The following WDR72 variants were observed in gnomAD, a reference collection of about 807,000 sequenced individuals.
The protein encoded by WDR72 is WD repeat-containing protein 72.
Under a neutral mutation model 124.2 loss-of-function variants are expected in WDR72, and 120 were observed. The ratio of observed to expected loss-of-function variants is 0.97; its 90% confidence interval spans 0.83 to 1.12. The LOEUF (loss-of-function observed/expected upper bound fraction) is 1.12, where lower values mean the gene tolerates loss of function less well. WDR72 is among the 50% of genes most tolerant of loss of function. WDR72 has a pLI of 0.00. For missense variants in WDR72, 1,387 were observed against 1,278.8 expected (o/e 1.08, Z -1.29); for synonymous variants, 452 against 441.7 (o/e 1.02, Z -0.29).
rs369605728 is a variant in WDR72, at chr15:53,755,711, G to A, written c.-13+3922C>T. Among the ~76,000 whole-genome samples, 64 of 152,182 alleles carry A rather than the reference G, an allele frequency of 4.2e-4. 8 individuals are homozygous for A. The highest frequency in any genetic ancestry group is 2.1e-3 in the Admixed American group (32 of 15,278). ...GACAGATCATGGGGCCTCCATTACC[G>A]CAGAAAGAGAAGGGCTAGGCCTGGT... On this transcript the variant is annotated intron_variant, in intron 1 of 19. Transcript: ENST00000360509.
intron 18 of WDR72, among the ~76,000 whole-genome samples, chr15:53,532,673 AATGAGT>A (rs1474604020): frequency 6.6e-6 from 1 of 152,136 alleles, no homozygotes; most frequent in East Asian, 1.9e-4. Context: ...AGGGATGGTT[AATGAGT>A]ACAAAAATAC....
At chr15:53,706,105 A>T (rs372127594) in intron 9 of WDR72, 31 bp from the exon 10 acceptor site, 57 of 1,612,236 alleles carry the variant, frequency 3.5e-5, no homozygotes, top group Non-Finnish European at 1.3e-5. Context: ...TATGTAGGAA[A>T]TATTCTAACT....
intron 14 of WDR72, among the ~76,000 whole-genome samples, chr15:53,617,982 G>A (rs2013836509): frequency 6.6e-6 from 1 of 151,904 alleles, no homozygotes; most frequent in Admixed American, 6.6e-5. Flanking sequence ...ATGAAGGTGT[G>A]TGCTTTATGA....
At chr15:53,670,743 T>C (rs2140460152) in intron 13 of WDR72, among the ~76,000 whole-genome samples, 2 of 152,310 alleles carry the variant, frequency 1.3e-5, no homozygotes, top group South Asian at 4.1e-4. Context: ...ATTGAGTAGA[T>C]ATAACAAGTG....
At chr15:53,757,914 G>A (rs1346683028) in intron 1 of WDR72, among the ~76,000 whole-genome samples, 1 of 152,062 alleles carries the variant, frequency 6.6e-6, no homozygotes, top group Non-Finnish European at 1.5e-5. Context: ...AAAGCATTCA[G>A]TTCATTGGGT....
chr15:53,582,369 T>C (rs1305088432), intron 18 of WDR72, among the ~76,000 whole-genome samples: 1 of 151,962 alleles, frequency 6.6e-6, no homozygotes, highest in Admixed American at 6.6e-5. Context: ...TGTACTGCTT[T>C]CTTAAGCTAT....
intron 18 of WDR72, among the ~76,000 whole-genome samples, chr15:53,545,182 C>G (rs1893380356): frequency 6.6e-6 from 1 of 151,216 alleles, no homozygotes; most frequent in African/African-American, 2.4e-5. Context: ...CATGTGGAAC[C>G]AAAAAAGAGC....
At chr15:53,538,522 C>CT (rs1219009707) in intron 18 of WDR72, among the ~76,000 whole-genome samples, 4 of 152,230 alleles carry the variant, frequency 2.6e-5, no homozygotes, top group East Asian at 3.9e-4. Context: ...TAACATTCTT[C>CT]TTTTTCATTT....
intron 18 of WDR72, among the ~76,000 whole-genome samples, chr15:53,593,623 G>A (rs2012619323): frequency 6.6e-6 from 1 of 151,888 alleles, no homozygotes; most frequent in Non-Finnish European, 1.5e-5. Context: ...TTAGCCAGGT[G>A]TGGTGGTACA....
At chr15:53,563,543 A>G (rs1420945382) in intron 18 of WDR72, among the ~76,000 whole-genome samples, 3 of 151,820 alleles carry the variant, frequency 2.0e-5, no homozygotes. Context: ...TTTGTTGTAC[A>G]TATTATTTCA....
intron 14 of WDR72, among the ~76,000 whole-genome samples, chr15:53,654,002 C>T (rs2140432019): frequency 6.6e-6 from 1 of 152,196 alleles, no homozygotes; most frequent in South Asian, 2.1e-4. Flanking sequence ...GTCTGGAAAT[C>T]AACACAAAAT....
intron 14 of WDR72, among the ~76,000 whole-genome samples, chr15:53,636,535 ATCAATAATATTACAAACTAT>A (rs2014630583): frequency 6.6e-6 from 1 of 152,216 alleles, no homozygotes; most frequent in Non-Finnish European, 1.5e-5. Context: ...CACATATACT[ATCAATAATATTACAAACTAT>A]ATAAGAAATG....
intron 17 of WDR72, 28 bp from the exon 18 acceptor site, chr15:53,597,302 T>G: frequency 6.2e-7 from 1 of 1,608,168 alleles, no homozygotes; most frequent in Non-Finnish European, 8.5e-7. Flanking sequence ...AAGTGAATTA[T>G]TTTTAGTATT....
At chr15:53,540,435 T>A (rs1893024756) in intron 18 of WDR72, among the ~76,000 whole-genome samples, 1 of 152,102 alleles carries the variant, frequency 6.6e-6, no homozygotes, top group Non-Finnish European at 1.5e-5. Flanking sequence ...GGCTAGAAAT[T>A]AGATCGTTCC....
At chr15:53,522,929 A>G (rs1270011027) in intron 19 of WDR72, among the ~76,000 whole-genome samples, 1 of 151,998 alleles carries the variant, frequency 6.6e-6, no homozygotes, top group Non-Finnish European at 1.5e-5. Context: ...ATAGTTTCCA[A>G]TCTCTGGCTC....
intron 7 of WDR72, among the ~76,000 whole-genome samples, 194 bp downstream of exon 7, chr15:53,712,576 CAG>C (rs2017573367): frequency 6.7e-6 from 1 of 149,284 alleles, no homozygotes; most frequent in Non-Finnish European, 1.5e-5. Flanking sequence ...GCCTGGGAAA[CAG>C]AGTGAGACTG....
intron 18 of WDR72, among the ~76,000 whole-genome samples, chr15:53,570,973 C>G (rs1894505128): frequency 6.6e-6 from 1 of 151,962 alleles, no homozygotes; most frequent in African/African-American, 2.4e-5. Flanking sequence ...GCAATTAACA[C>G]AAACAGAAAA....
chr15:53,733,368 G>T (rs540671111), intron 1 of WDR72, among the ~76,000 whole-genome samples: 1 of 152,282 alleles, frequency 6.6e-6, no homozygotes, highest in South Asian at 2.1e-4. Context: ...CATCAAACAA[G>T]AATGACTTAT....
At chr15:53,705,421 T>C (rs186022267) in intron 10 of WDR72, among the ~76,000 whole-genome samples, 188 bp from the exon 11 acceptor site, 4 of 152,252 alleles carry the variant, frequency 2.6e-5, no homozygotes, top group Admixed American at 1.3e-4. Context: ...GTTATATTAG[T>C]ATATAAGATC....
Sources: allele counts gnomAD v4.1 joint callset (sites outside exome capture counted in the v4.1 genomes callset), GRCh38; gene constraint gnomAD v4.1.1; transcripts MANE v1.5; gene names NCBI Gene and HGNC (gene_info 2026-07-23, HGNC 2026-07-21).